Variants in MSI2 observed in about 807,000 individuals in gnomAD.
The protein encoded by MSI2 is RNA-binding protein Musashi homolog 2.
A neutral mutation model predicts 45.6 loss-of-function variants in MSI2; 17 were observed. That is an observed-to-expected ratio of 0.37 (90% CI 0.26 to 0.56). The LOEUF (loss-of-function observed/expected upper bound fraction) is 0.56. Among genes scored for constraint, MSI2 ranks in the 20% least tolerant of loss-of-function variants. The pLI is 0.77. For missense variants in MSI2, 293 were observed against 444.2 expected (o/e 0.66, Z 3.06); for synonymous variants, 156 against 158.2 (o/e 0.99, Z 0.11).
chr17:57,287,377 T>C (rs1212286264), intron 5 of MSI2, among the ~76,000 whole-genome samples: 1 of 152,048 alleles, frequency 6.6e-6, no homozygotes, highest in Non-Finnish European at 1.5e-5. Flanking sequence ...CTTCCATGGG[T>C]CCCTCTCGGC....
chr17:57,508,015 G>T (rs1490572756), intron 6 of MSI2, among the ~76,000 whole-genome samples: 2 of 152,196 alleles, frequency 1.3e-5, no homozygotes, highest in Non-Finnish European at 2.9e-5. Flanking sequence ...CTAGATAAAG[G>T]GCCAGGGTCG....
intron 11 of MSI2, among the ~76,000 whole-genome samples, chr17:57,666,845 T>G (rs1464544341): frequency 2.1e-5 from 2 of 96,684 alleles, no homozygotes; most frequent in Admixed American, 1.1e-4. Context: ...CCAAACTGAC[T>G]TCTTTTTTGA....
intron 5 of MSI2, among the ~76,000 whole-genome samples, chr17:57,359,654 A>G (rs1232857687): frequency 6.6e-6 from 1 of 152,160 alleles, no homozygotes; most frequent in Non-Finnish European, 1.5e-5. Flanking sequence ...TGACACCCCA[A>G]ACTATAGGAT....
At chr17:57,488,878 C>T (rs954602479) in intron 6 of MSI2, among the ~76,000 whole-genome samples, 5 of 151,856 alleles carry the variant, frequency 3.3e-5, no homozygotes, top group African/African-American at 4.8e-5. Flanking sequence ...TTAGAGCTGG[C>T]GGTGTGCAGA....
At chr17:57,603,765 C>A (rs1906187428) in intron 8 of MSI2, among the ~76,000 whole-genome samples, 1 of 152,252 alleles carries the variant, frequency 6.6e-6, no homozygotes, top group Non-Finnish European at 1.5e-5. Context: ...TGCAAAAACT[C>A]ATGGCAGCTG....
intron 5 of MSI2, among the ~76,000 whole-genome samples, chr17:57,368,140 T>G (rs1474081239): frequency 6.6e-6 from 1 of 152,194 alleles, no homozygotes; most frequent in East Asian, 1.9e-4. Context: ...AGACTTTGTG[T>G]TTTTCATTCT....
chr17:57,409,777 G>A (rs1022728402), intron 6 of MSI2, among the ~76,000 whole-genome samples: 3 of 152,120 alleles, frequency 2.0e-5, no homozygotes, highest in Admixed American at 2.0e-4. Context: ...GGGGGGCCAA[G>A]GCGGGCGAAT....
intron 6 of MSI2, among the ~76,000 whole-genome samples, chr17:57,510,914 C>G (rs2086340632): frequency 6.6e-6 from 1 of 152,184 alleles, no homozygotes; most frequent in Admixed American, 6.5e-5. Context: ...TAGCTCTTGT[C>G]CTGTCTCTGC....
intron 8 of MSI2, among the ~76,000 whole-genome samples, chr17:57,612,922 C>T (rs1463648244): frequency 6.6e-6 from 1 of 152,152 alleles, no homozygotes; most frequent in African/African-American, 2.4e-5. Context: ...GTGCGAGACA[C>T]GCCCATCTTC....
intron 12 of MSI2, among the ~76,000 whole-genome samples, chr17:57,675,399 A>T (rs945818088): frequency 6.6e-6 from 1 of 152,238 alleles, no homozygotes; most frequent in Admixed American, 6.5e-5. Context: ...TCCTTGAGCC[A>T]CTTCGATAAC....
At chr17:57,528,088 T>C (rs1235223190) in intron 6 of MSI2, among the ~76,000 whole-genome samples, 1 of 143,832 alleles carries the variant, frequency 7.0e-6, no homozygotes, top group Non-Finnish European at 1.5e-5. Context: ...GGCCCCCCGC[T>C]AACAGTTTTA....
At position 57,275,365 on chromosome 17, in the gene MSI2, G is replaced by A. The variant is rs115115816; in HGVS notation, c.312+13173G>A. 3.0e-3 allele frequency among the ~76,000 whole-genome samples: 460 copies of A among 152,298 alleles called. 5 individuals carry two copies. Among genetic ancestry groups the A allele is most frequent in the African/African-American group, 0.01 (432 of 41,554 alleles). On this transcript the variant is annotated intron_variant, in intron 5 of 13. Coordinates refer to ENST00000284073, the MANE Select transcript of MSI2 (RefSeq NM_138962.4). ...GAAAGAGCCCCAGCTAGGAGGGAGC[G>A]AGGGAGAACCTTGGGATTGAGGGCA...
intron 7 of MSI2, among the ~76,000 whole-genome samples, chr17:57,572,205 A>G (rs1018889335): frequency 5.6e-4 from 85 of 152,262 alleles, no homozygotes; most frequent in Non-Finnish European, 5.7e-4. Flanking sequence ...GCAGGTTTGA[A>G]TAAGGATTCA....
intron 9 of MSI2, 156 bp downstream of exon 9, chr17:57,616,240 A>G (rs1161175790): frequency 1.7e-6 from 1 of 601,794 alleles, no homozygotes; most frequent in African/African-American, 1.9e-5. Flanking sequence ...CCGTTCCAAG[A>G]CAGTTGTGAT....
intron 10 of MSI2, among the ~76,000 whole-genome samples, chr17:57,649,690 G>A (rs1910983611): frequency 6.6e-6 from 1 of 152,184 alleles, no homozygotes; most frequent in South Asian, 2.1e-4. Flanking sequence ...CAGGTCATAT[G>A]GAAAATGTAT....
At chr17:57,558,260 C>T (rs2087486352) in intron 7 of MSI2, among the ~76,000 whole-genome samples, 1 of 152,092 alleles carries the variant, frequency 6.6e-6, no homozygotes, top group African/African-American at 2.4e-5. Context: ...CGCAGCCATC[C>T]GAGGGAAGAC....
intron 8 of MSI2, among the ~76,000 whole-genome samples, chr17:57,607,743 T>C (rs1416896688): frequency 6.6e-6 from 1 of 152,220 alleles, no homozygotes; most frequent in African/African-American, 2.4e-5. Flanking sequence ...TGTACAGGCA[T>C]GGTGCCAACA....
chr17:57,561,512 AC>A (rs2087574047), intron 7 of MSI2, among the ~76,000 whole-genome samples: 1 of 151,784 alleles, frequency 6.6e-6, no homozygotes, highest in Admixed American at 6.6e-5. Context: ...TCCCACCTCC[AC>A]CCCCACCTGA....
chr17:57,471,671 C>G (rs933908364), intron 6 of MSI2, among the ~76,000 whole-genome samples: 5 of 152,154 alleles, frequency 3.3e-5, no homozygotes, highest in African/African-American at 1.2e-4. Context: ...TAGCTGAAGG[C>G]GTGCAGCTGC....
Sources: allele counts gnomAD v4.1 joint callset (sites outside exome capture counted in the v4.1 genomes callset), GRCh38; gene constraint gnomAD v4.1.1; transcripts MANE v1.5; gene names NCBI Gene and HGNC (gene_info 2026-07-23, HGNC 2026-07-21).